SAMSN1: variants seen among roughly 807,000 people sequenced by gnomAD.
SAMSN1 encodes SAM domain-containing protein SAMSN-1.
SAMSN1 carries 31 observed loss-of-function variants against 42.0 expected under a neutral mutation model. That is an observed-to-expected ratio of 0.74 (90% CI 0.55 to 1.00). SAMSN1 has a LOEUF of 1.00. Among genes scored for constraint, SAMSN1 ranks in the 50% least tolerant of loss-of-function variants. The pLI is 0.00. For missense variants in SAMSN1, 464 were observed against 439.4 expected, an observed-to-expected ratio of 1.06 and a Z score of -0.50; for synonymous variants, 178 against 151.9, an observed-to-expected ratio of 1.17 and a Z score of -1.26.
chr21:14,646,056 C>A (rs761973126), intron 1 of SAMSN1, among the ~76,000 whole-genome samples: 1 of 152,002 alleles, frequency 6.6e-6, no homozygotes. Flanking sequence ...GAGTTATTGG[C>A]CTTAAAGAGG....
chr21:14,567,790 A>G (rs577912115), intron 2 of SAMSN1, among the ~76,000 whole-genome samples: 2 of 150,924 alleles, frequency 1.3e-5, no homozygotes, highest in South Asian at 4.2e-4. Context: ...AAACTGACTG[A>G]CCTTGGGCGA....
intron 2 of SAMSN1, among the ~76,000 whole-genome samples, chr21:14,625,751 CT>C: frequency 6.6e-6 from 1 of 152,186 alleles, no homozygotes; most frequent in East Asian, 1.9e-4. Context: ...CTACCAATGA[CT>C]TTCTTCACAG....
At chr21:14,560,125 G>GTGAAAGCA (rs1212633022) in intron 2 of SAMSN1, among the ~76,000 whole-genome samples, 1 of 152,184 alleles carries the variant, frequency 6.6e-6, no homozygotes, top group Non-Finnish European at 1.5e-5. Context: ...GTAATAAGCA[G>GTGAAAGCA]TGAAAGCATA....
At chr21:14,615,863 CAAAAAAAAAAAAA>C (rs34255188) in intron 3 of SAMSN1, 2 of 116,456 alleles carry the variant, frequency 1.7e-5, no homozygotes, top group Non-Finnish European at 1.6e-5. Context: ...ATGACAGCTG[CAAAAAAAAAAAAA>C]AAAAAAAAAA....
intron 5 of SAMSN1, among the ~76,000 whole-genome samples, chr21:14,502,756 A>G (rs1987223372): frequency 6.6e-6 from 1 of 152,176 alleles, no homozygotes; most frequent in African/African-American, 2.4e-5. Flanking sequence ...TTCCATATAC[A>G]TAACTAAGGA....
At chr21:14,619,046 G>T (rs1437529733) in intron 2 of SAMSN1, among the ~76,000 whole-genome samples, 3 of 152,166 alleles carry the variant, frequency 2.0e-5, no homozygotes, top group Admixed American at 2.0e-4. Flanking sequence ...AATGAGGGTA[G>T]ACTCTAACAG....
intron 5 of SAMSN1, among the ~76,000 whole-genome samples, chr21:14,604,095 C>G (rs999051969): frequency 3.3e-4 from 51 of 152,276 alleles, no homozygotes; most frequent in Admixed American, 3.1e-3. Context: ...CACACTTAAA[C>G]CTTTGGTGTC....
chr21:14,509,516 C>CA lies in SAMSN1; in HGVS notation c.561+793_561+794insT, dbSNP rs369537629. Among the ~76,000 whole-genome samples the CA allele has an allele frequency of 2.5e-3, 378 of 152,200 alleles. 1 individual carries two copies. In the Middle Eastern group the frequency reaches 0.041, roughly 16 times the overall value. ...AGAACTTACCCATGTAACCAAACAC[C>CA]CCTGTTCCCCAATAACCTATGGAAA... On this transcript the variant is annotated intron_variant, in intron 5 of 7. Coordinates refer to ENST00000400566, the MANE Select transcript of SAMSN1 (RefSeq NM_022136.5).
intron 5 of SAMSN1, among the ~76,000 whole-genome samples, chr21:14,608,037 A>C (rs1568828888): frequency 2.0e-5 from 3 of 152,202 alleles, no homozygotes; most frequent in Non-Finnish European, 4.4e-5. Flanking sequence ...AACATGATAG[A>C]GAGGGAAGTG....
At chr21:14,532,936 T>C (rs546033424) in intron 1 of SAMSN1, among the ~76,000 whole-genome samples, 2 of 152,056 alleles carry the variant, frequency 1.3e-5, no homozygotes, top group East Asian at 3.9e-4. Flanking sequence ...TGAGACAGGG[T>C]CTCTTGCTCC....
rs759223737 is a variant in SAMSN1, at chr21:14,486,016, A to C, written c.1018T>G (p.Cys340Gly). ...QLDDCPRDSGCYISSGNSDNG... is the reference protein window; with the variant it reads ...QLDDCPRDSGGYISSGNSDNG... ...TCTGAATTTCCTGATGAGATATAGC[A>C]ACCAGAGTCCCTTGGGCAGTCATCT... Residue 340 changes from cysteine to glycine, a missense_variant, in exon 8 of 8, where the codon TGC becomes GGC. Coordinates refer to ENST00000400566, the MANE Select transcript of SAMSN1 (RefSeq NM_022136.5). 3.7e-6 allele frequency: 6 copies of C among 1,613,694 alleles called. No individual in the cohort carries two copies. The South Asian group carries it at 6.6e-5, about 18-fold the overall frequency.
chr21:14,508,977 A>C (rs1987550474), intron 5 of SAMSN1, among the ~76,000 whole-genome samples: 1 of 151,904 alleles, frequency 6.6e-6, no homozygotes, highest in African/African-American at 2.4e-5. Flanking sequence ...AAAATACAAA[A>C]ATTAGCTGGG....
intron 2 of SAMSN1, chr21:14,616,120 C>A: frequency 2.6e-6 from 1 of 379,684 alleles, no homozygotes; most frequent in Non-Finnish European, 4.9e-6. Context: ...CTAGTATAAT[C>A]CAAACGTAGT....
At chr21:14,579,216 C>T (rs1802899439) in intron 2 of SAMSN1, among the ~76,000 whole-genome samples, 1 of 152,254 alleles carries the variant, frequency 6.6e-6, no homozygotes, top group Middle Eastern at 3.4e-3. Context: ...GCTCTTGAAC[C>T]CTCTCTCCAA....
intron 2 of SAMSN1, among the ~76,000 whole-genome samples, chr21:14,581,568 C>CCAGGA (rs1254575152): frequency 6.6e-6 from 1 of 151,004 alleles, no homozygotes; most frequent in Non-Finnish European, 1.5e-5. Flanking sequence ...ACCTTGTTAG[C>CCAGGA]CAGGATGGTC....
chr21:14,540,123 C>G (rs1401883627), intron 1 of SAMSN1, among the ~76,000 whole-genome samples: 1 of 152,132 alleles, frequency 6.6e-6, no homozygotes, highest in Non-Finnish European at 1.5e-5. Context: ...CTTCCTTACA[C>G]CTTATACAAA....
intron 1 of SAMSN1, among the ~76,000 whole-genome samples, chr21:14,528,487 G>C (rs1490434491): frequency 1.3e-5 from 2 of 152,098 alleles, no homozygotes; most frequent in African/African-American, 4.8e-5. Flanking sequence ...AAGGCTCTGT[G>C]CTTATGTCCT....
At chr21:14,549,024 T>C (rs1483323002), upstream of SAMSN1, among the ~76,000 whole-genome samples, 1 of 152,196 alleles carries the variant, frequency 6.6e-6, no homozygotes, top group Non-Finnish European at 1.5e-5. Flanking sequence ...TGGAACTTTG[T>C]GTACTATCTC....
chr21:14,580,368 T>C (rs1981664446), intron 2 of SAMSN1, among the ~76,000 whole-genome samples: 1 of 152,232 alleles, frequency 6.6e-6, no homozygotes. Context: ...CAGATTTTAT[T>C]CTTGAAGAAA....
Sources: allele counts gnomAD v4.1 joint callset (sites outside exome capture counted in the v4.1 genomes callset), GRCh38; gene constraint gnomAD v4.1.1; transcripts MANE v1.5; gene names NCBI Gene and HGNC (gene_info 2026-07-23, HGNC 2026-07-21).